RABGAP1L: variants seen among roughly 807,000 people sequenced by gnomAD.
The protein encoded by RABGAP1L is RAB GTPase activating protein 1 like.
Under a neutral mutation model 137.7 loss-of-function variants are expected in RABGAP1L, and 63 were observed. The observed-to-expected ratio is 0.46, with a 90% CI of 0.37 to 0.56. The LOEUF (loss-of-function observed/expected upper bound fraction) is 0.56, where lower values mean the gene tolerates loss of function less well. Ranked by LOEUF, RABGAP1L falls within the 20% of genes least tolerant of loss-of-function variation. RABGAP1L has a pLI of 0.00. For synonymous variants in RABGAP1L, 431 were observed against 433.7 expected, an observed-to-expected ratio of 0.99 and a Z score of 0.08; for missense variants, 1,095 against 1,244.0, an observed-to-expected ratio of 0.88 and a Z score of 1.80.
chr1:174,268,068 T>C (rs572074589), intron 7 of RABGAP1L, among the ~76,000 whole-genome samples: 1 of 152,374 alleles, frequency 6.6e-6, no homozygotes, highest in African/African-American at 2.4e-5. Flanking sequence ...TTGGGGAGAC[T>C]GACTGAGATT....
chr1:174,506,374 T>C (rs1010947185), intron 13 of RABGAP1L, among the ~76,000 whole-genome samples: 3 of 152,226 alleles, frequency 2.0e-5, no homozygotes, highest in African/African-American at 7.2e-5. Context: ...CTAAGATATT[T>C]ACTGTCTGGC....
intron 19 of RABGAP1L, among the ~76,000 whole-genome samples, chr1:174,824,047 C>T (rs1355739103): frequency 2.6e-5 from 4 of 152,132 alleles, no homozygotes; most frequent in South Asian, 4.2e-4. Flanking sequence ...CATAGCACTT[C>T]GGGAAGCCAA....
chr1:174,686,743 G>C (rs779492129), intron 15 of RABGAP1L, among the ~76,000 whole-genome samples: 1 of 133,904 alleles, frequency 7.5e-6, no homozygotes, highest in African/African-American at 2.6e-5. Context: ...TGAAACCTCC[G>C]CCTCCTGGGT....
chr1:174,780,112 A>T (rs200449468), intron 18 of RABGAP1L, among the ~76,000 whole-genome samples: 48,912 of 126,504 alleles, frequency 0.39, 9,191 homozygotes, highest in Non-Finnish European at 0.49. Context: ...ATAAATAAAT[A>T]AATAAATTAA....
At chr1:174,455,997 A>G (rs1298789827) in intron 13 of RABGAP1L, among the ~76,000 whole-genome samples, 1 of 152,126 alleles carries the variant, frequency 6.6e-6, no homozygotes, top group Non-Finnish European at 1.5e-5. Context: ...GTATTTATAG[A>G]TGGCTGGTAA....
intron 13 of RABGAP1L, among the ~76,000 whole-genome samples, chr1:174,505,660 G>A (rs1391575636): frequency 6.6e-6 from 1 of 152,206 alleles, no homozygotes; most frequent in East Asian, 1.9e-4. Context: ...AAGTGTCAAT[G>A]AGGATGTGGA....
At chr1:174,919,979 T>TA (rs1193307361) in intron 19 of RABGAP1L, among the ~76,000 whole-genome samples, 1 of 152,262 alleles carries the variant, frequency 6.6e-6, no homozygotes, top group Non-Finnish European at 1.5e-5. Context: ...GGGTGTATAC[T>TA]ATATGCTTGG....
intron 18 of RABGAP1L, among the ~76,000 whole-genome samples, chr1:174,804,104 T>G (rs1689018559): frequency 6.6e-6 from 1 of 152,058 alleles, no homozygotes; most frequent in Non-Finnish European, 1.5e-5. Flanking sequence ...ACTGAATTTT[T>G]CAGTGGGAAA....
chr1:174,895,607 G>C (rs996765523), intron 19 of RABGAP1L, among the ~76,000 whole-genome samples: 2 of 148,524 alleles, frequency 1.3e-5, no homozygotes, highest in Non-Finnish European at 3.0e-5. Flanking sequence ...CCCACCCCAT[G>C]ACGGGCCCCA....
intron 19 of RABGAP1L, among the ~76,000 whole-genome samples, chr1:174,936,708 A>T (rs1284452529): frequency 2.0e-5 from 3 of 152,190 alleles, no homozygotes; most frequent in African/African-American, 4.8e-5. Context: ...CACTAACTTA[A>T]TCAAGATGTT....
At chr1:174,795,706 C>T (rs1409786828) in intron 18 of RABGAP1L, among the ~76,000 whole-genome samples, 3 of 152,162 alleles carry the variant, frequency 2.0e-5, no homozygotes, top group Non-Finnish European at 4.4e-5. Flanking sequence ...GCTCAGACTA[C>T]AGGTGTGTGC....
chr1:174,898,019 A>G (rs933256882), intron 19 of RABGAP1L: 4 of 151,714 alleles, frequency 2.6e-5, no homozygotes, highest in Admixed American at 2.0e-4. Context: ...AATTAATTTC[A>G]TTTCTTCATT....
chr1:174,770,393 G>C (rs944327988), intron 18 of RABGAP1L, among the ~76,000 whole-genome samples: 2 of 152,010 alleles, frequency 1.3e-5, no homozygotes, highest in Admixed American at 6.6e-5. Flanking sequence ...TCTGTATCAG[G>C]AAAAAATGTA....
intron 16 of RABGAP1L, among the ~76,000 whole-genome samples, chr1:174,701,875 A>C (rs1291965459): frequency 6.6e-6 from 1 of 152,212 alleles, no homozygotes; most frequent in East Asian, 1.9e-4. Context: ...TCAAGTGAGC[A>C]AGAGATGGTC....
At chr1:174,179,341 G>T (rs2148281296) in intron 1 of RABGAP1L, among the ~76,000 whole-genome samples, 1 of 152,250 alleles carries the variant, frequency 6.6e-6, no homozygotes, top group East Asian at 1.9e-4. Context: ...AGTAAAAATG[G>T]TACTCTGTGA....
chr1:174,978,981 C>T, intron 23 of RABGAP1L, 91 bp downstream of exon 23: 1 of 1,365,652 alleles, frequency 7.3e-7, no homozygotes, highest in South Asian at 1.9e-5. Flanking sequence ...GAGTTTGAGA[C>T]TAGCCTGAGC....
intron 11 of RABGAP1L, among the ~76,000 whole-genome samples, chr1:174,349,097 GC>G (rs2148916783): frequency 7.4e-6 from 1 of 135,830 alleles, no homozygotes; most frequent in African/African-American, 2.9e-5. Context: ...GGCTGGCCGG[GC>G]GGGGGGCTGA....
chr1:174,615,046 G>A (rs1157847412), intron 13 of RABGAP1L, among the ~76,000 whole-genome samples: 3 of 152,220 alleles, frequency 2.0e-5, no homozygotes, highest in Non-Finnish European at 2.9e-5. Flanking sequence ...GCTCGGAGTA[G>A]TTTGATCGTC....
At chr1:174,337,243 C>G (rs1204305416) in intron 11 of RABGAP1L, among the ~76,000 whole-genome samples, 2 of 152,058 alleles carry the variant, frequency 1.3e-5, no homozygotes, top group Non-Finnish European at 1.5e-5. Context: ...GGGTGCTCTT[C>G]AAAGCTCACA....
Sources: allele counts gnomAD v4.1 joint callset (sites outside exome capture counted in the v4.1 genomes callset), GRCh38; gene constraint gnomAD v4.1.1; transcripts MANE v1.5; gene names NCBI Gene and HGNC (gene_info 2026-07-23, HGNC 2026-07-21).